MAP2K1: variants seen among roughly 807,000 people sequenced by gnomAD.
MAP2K1 encodes the protein mitogen-activated protein kinase kinase 1.
MAP2K1 carries 16 observed loss-of-function variants against 46.3 expected under a neutral mutation model. The ratio of observed to expected loss-of-function variants is 0.35; its 90% CI spans 0.23 to 0.52. MAP2K1 has a LOEUF of 0.52. MAP2K1 is among the 20% of genes least tolerant of loss of function. The pLI, the probability that MAP2K1 is intolerant of heterozygous loss-of-function variation, is 0.94. For missense variants in MAP2K1, 263 were observed against 497.1 expected, an observed-to-expected ratio of 0.53 and a Z score of 4.48; for synonymous variants, 183 against 185.6, an observed-to-expected ratio of 0.99 and a Z score of 0.11.
At chr15:66,485,304 C>T (rs767857114) in intron 7 of MAP2K1, 113 bp downstream of exon 7, 5 of 1,061,774 alleles carry the variant, frequency 4.7e-6, no homozygotes, top group Non-Finnish European at 6.7e-6. Context: ...GATTCTCTGT[C>T]CCTGGATGCC....
chr15:66,480,740 A>G (rs1892894170), intron 5 of MAP2K1, among the ~76,000 whole-genome samples: 1 of 152,080 alleles, frequency 6.6e-6, no homozygotes, highest in African/African-American at 2.4e-5. Context: ...GACACCATAT[A>G]GGTTTGGGAT....
intron 5 of MAP2K1, among the ~76,000 whole-genome samples, chr15:66,456,166 C>T (rs1892161558): frequency 6.6e-6 from 1 of 152,136 alleles, no homozygotes; most frequent in African/African-American, 2.4e-5. Flanking sequence ...AGGTGAATTA[C>T]TCGTTAGGCA....
chr15:66,398,234 TG>T (rs1246207262), intron 1 of MAP2K1, among the ~76,000 whole-genome samples: 1 of 151,290 alleles, frequency 6.6e-6, no homozygotes, highest in Non-Finnish European at 1.5e-5. Context: ...CTGGGCAACA[TG>T]GTGAGACCTT....
chr15:66,429,802 C>T (rs1373017391), intron 1 of MAP2K1, among the ~76,000 whole-genome samples: 6 of 151,744 alleles, frequency 4.0e-5, no homozygotes, highest in East Asian at 1.9e-4. Flanking sequence ...ACTCCTTATA[C>T]GCCTAACTCT....
At chr15:66,467,003 G>A (rs1362150231) in intron 5 of MAP2K1, among the ~76,000 whole-genome samples, 1 of 152,064 alleles carries the variant, frequency 6.6e-6, no homozygotes. Context: ...GCAGGGCTGG[G>A]CATGGTGGAT....
intron 1 of MAP2K1, among the ~76,000 whole-genome samples, chr15:66,431,465 GTATTT>G (rs1159053838): frequency 1.3e-5 from 2 of 152,042 alleles, no homozygotes; most frequent in African/African-American, 4.8e-5. Flanking sequence ...AAAAAATTGA[GTATTT>G]TAAGAATAAT....
In MAP2K1 at chr15:66,464,408, T is replaced by C. The variant is rs569754833; in HGVS notation, c.569-17347T>C. Among the ~76,000 whole-genome samples, 4 of 152,344 alleles carry C rather than the reference T, an allele frequency of 2.6e-5. No homozygotes were observed. In the South Asian group the frequency reaches 8.3e-4, roughly 32 times the overall value. On this transcript the variant is annotated intron_variant, in intron 5 of 10. Transcript: ENST00000307102. ...TGAAGGTGGCTTATGTATGCTGTTA[T>C]TTTCTTTTGAAGTTGTCTAGCTTCG...
intron 1 of MAP2K1, among the ~76,000 whole-genome samples, chr15:66,403,310 AAAGGTTACCCCTCTATATCCTC>A (rs1344715409): frequency 6.6e-6 from 1 of 152,172 alleles, no homozygotes; most frequent in African/African-American, 2.4e-5. Context: ...AAGCTCTAGA[AAAGGTTACCCCTCTATATCCTC>A]ACTCTCCTAG....
chr15:66,430,081 G>A lies in MAP2K1; in HGVS notation c.81-4946G>A, dbSNP rs979736974. Among the ~76,000 whole-genome samples the A allele has an allele frequency of 5.3e-5, 8 of 152,290 alleles. No homozygotes were observed. In the East Asian group the frequency reaches 1.4e-3, roughly 26 times the overall value. On this transcript the variant is annotated intron_variant, in intron 1 of 10. Transcript: ENST00000307102. ...CCAGAAAGGAAGGTAACTTACCCAA[G>A]ATCTCACAGATGGGTAAATAGGGGT...
At chr15:66,485,994 G>A (rs1487236333) in intron 7 of MAP2K1, among the ~76,000 whole-genome samples, 1 of 152,114 alleles carries the variant, frequency 6.6e-6, no homozygotes, top group Non-Finnish European at 1.5e-5. Context: ...GACCTCTTGG[G>A]CTCAAGTGAT....
intron 1 of MAP2K1, among the ~76,000 whole-genome samples, chr15:66,391,767 T>C (rs952532203): frequency 2.0e-5 from 3 of 152,220 alleles, no homozygotes; most frequent in African/African-American, 7.2e-5. Flanking sequence ...CCATTTTCTT[T>C]TGTTTTAGTC....
intron 3 of MAP2K1, among the ~76,000 whole-genome samples, chr15:66,439,701 G>A (rs769362391): frequency 3.9e-5 from 6 of 152,188 alleles, no homozygotes; most frequent in Non-Finnish European, 7.3e-5. Context: ...AGAAGGTGGA[G>A]GTTGTGGTGA....
intron 7 of MAP2K1, 86 bp from the exon 8 acceptor site, chr15:66,487,142 C>A: frequency 9.0e-7 from 1 of 1,105,028 alleles, no homozygotes; most frequent in Non-Finnish European, 1.4e-6. Flanking sequence ...CTGTTCTGGT[C>A]CCAGGGATCC....
chr15:66,469,602 C>A (rs1391446249), intron 5 of MAP2K1, among the ~76,000 whole-genome samples: 1 of 142,450 alleles, frequency 7.0e-6, no homozygotes, highest in Non-Finnish European at 1.5e-5. Context: ...AAACAGAATT[C>A]TGTCAACTGA....
chr15:66,404,782 G>C (rs1193654824), intron 1 of MAP2K1, among the ~76,000 whole-genome samples: 1 of 151,410 alleles, frequency 6.6e-6, no homozygotes. Flanking sequence ...CACGGTGAGC[G>C]GAAATGGTGA....
intron 5 of MAP2K1, among the ~76,000 whole-genome samples, chr15:66,458,557 C>T (rs1465570702): frequency 6.6e-6 from 1 of 152,198 alleles, no homozygotes; most frequent in South Asian, 2.1e-4. Context: ...CACTCTGTCG[C>T]CCAGGCTGGA....
chr15:66,426,520 T>G (rs2093459462), intron 1 of MAP2K1, among the ~76,000 whole-genome samples: 1 of 152,170 alleles, frequency 6.6e-6, no homozygotes, highest in African/African-American at 2.4e-5. Flanking sequence ...ACTGGCAAAC[T>G]AAGTCACCTG....
intron 1 of MAP2K1, among the ~76,000 whole-genome samples, chr15:66,419,094 G>A (rs1273911104): frequency 2.0e-5 from 3 of 150,936 alleles, no homozygotes; most frequent in African/African-American, 4.9e-5. Flanking sequence ...ATCCTCCCAA[G>A]TAGCTGGGAT....
chr15:66,411,627 C>G (rs898185084), intron 1 of MAP2K1, among the ~76,000 whole-genome samples: 6 of 152,188 alleles, frequency 3.9e-5, no homozygotes, highest in Non-Finnish European at 7.3e-5. Flanking sequence ...TTAAGATCCA[C>G]TAGAGTGTTG....
Sources: allele counts gnomAD v4.1 joint callset (sites outside exome capture counted in the v4.1 genomes callset), GRCh38; gene constraint gnomAD v4.1.1; transcripts MANE v1.5; gene names NCBI Gene and HGNC (gene_info 2026-07-23, HGNC 2026-07-21).